The following PLEKHH2 variants were observed in gnomAD, a reference collection of about 807,000 sequenced individuals.
PLEKHH2 encodes the protein pleckstrin homology domain-containing family H member 2.
Under a neutral mutation model 187.9 loss-of-function variants are expected in PLEKHH2, and 129 were observed. The ratio of observed to expected loss-of-function variants is 0.69; its 90% CI spans 0.59 to 0.79. The LOEUF is 0.79. Among genes scored for constraint, PLEKHH2 ranks in the 30% least tolerant of loss-of-function variants. PLEKHH2 has a pLI of 0.00. For missense variants in PLEKHH2, 2,076 were observed against 1,751.2 expected (o/e 1.19, Z -3.31); for synonymous variants, 686 against 605.6 (o/e 1.13, Z -1.95).
Position 43,700,083 on chromosome 2 carries a change from TA to T in PLEKHH2, c.1130del (p.Lys377ArgfsTer10). On this transcript the variant is annotated frameshift_variant, in exon 8 of 30. Transcript: ENST00000282406. LOFTEE classifies it high-confidence loss of function. ...TTGGAAAGGGAAATTCTGAATTAAG[TA>T]AAAAGGAACAAGATAGTTCCTCGGA... ...PLGKGNSELS[K>X]KEQDSSSDEL... 1 of 1,614,064 alleles carries T rather than the reference TA, an allele frequency of 6.2e-7. No individual in the cohort carries two copies. Among genetic ancestry groups the T allele is most frequent in the Non-Finnish European group, 8.5e-7 (1 of 1,179,992 alleles).
intron 6 of PLEKHH2, among the ~76,000 whole-genome samples, chr2:43,695,441 C>G (rs1157630908): frequency 6.6e-6 from 1 of 152,160 alleles, no homozygotes; most frequent in Non-Finnish European, 1.5e-5. Context: ...TGATGTCTAC[C>G]AAAGTGGTCA....
chr2:43,676,399 C>G, intron 2 of PLEKHH2: 1 of 1,228,252 alleles, frequency 8.1e-7, no homozygotes, highest in Non-Finnish European at 1.1e-6. Flanking sequence ...CCTTCCGGAG[C>G]TGGCGGCTGC....
intron 1 of PLEKHH2, among the ~76,000 whole-genome samples, chr2:43,640,255 C>A (rs1703311258): frequency 6.6e-6 from 1 of 150,750 alleles, no homozygotes; most frequent in Non-Finnish European, 1.5e-5. Flanking sequence ...GTCACCCAGG[C>A]TGGAGTGCAG....
intron 3 of PLEKHH2, among the ~76,000 whole-genome samples, chr2:43,682,276 G>A (rs1668232315): frequency 6.6e-6 from 1 of 151,980 alleles, no homozygotes; most frequent in South Asian, 2.1e-4. Flanking sequence ...TCTGTGTTTT[G>A]TTCTTTAATC....
intron 2 of PLEKHH2, among the ~76,000 whole-genome samples, chr2:43,646,590 T>A (rs1474374006): frequency 1.3e-5 from 2 of 152,266 alleles, no homozygotes; most frequent in Non-Finnish European, 2.9e-5. Context: ...ACATTTGTTC[T>A]GTTCTTTAGA....
rs77391858 is a variant in PLEKHH2, at chr2:43,752,133, C to T, written c.3654-1486C>T. Among the ~76,000 whole-genome samples, 111 of 152,188 alleles carry T rather than the reference C, an allele frequency of 7.3e-4. 1 individual carries two copies. The East Asian group carries it at 0.02, about 28-fold the overall frequency. ...TACAGTGATGAGTATGATATACTTCCTAACTTCAAGTAGGGAGAATAAGCT... is the reference window on the plus strand; with the variant it reads ...TACAGTGATGAGTATGATATACTTCTTAACTTCAAGTAGGGAGAATAAGCT... On this transcript the variant is annotated intron_variant, in intron 24 of 29. Transcript: ENST00000282406.
At chr2:43,763,990 C>T (rs756193645) in intron 28 of PLEKHH2, among the ~76,000 whole-genome samples, 1 of 152,018 alleles carries the variant, frequency 6.6e-6, no homozygotes, top group African/African-American at 2.4e-5. Context: ...TATATTTTCT[C>T]ATTTTTCTGC....
chr2:43,699,112 C>A (rs2104481843), intron 7 of PLEKHH2, among the ~76,000 whole-genome samples: 1 of 152,102 alleles, frequency 6.6e-6, no homozygotes, highest in South Asian at 2.1e-4. Flanking sequence ...AAATAGAATT[C>A]ATGCTGTTCA....
At chr2:43,690,376 T>C (rs1668734891) in intron 3 of PLEKHH2, among the ~76,000 whole-genome samples, 1 of 152,184 alleles carries the variant, frequency 6.6e-6, no homozygotes, top group Non-Finnish European at 1.5e-5. Context: ...ATTTTCCTAG[T>C]TTCCAGCCAT....
Position 43,713,760 on chromosome 2 carries a change from A to G in PLEKHH2, c.2460+1377A>G, listed in dbSNP as rs114172669. ...TTTTGAAAAATACAACAAAATATGT[A>G]TACACACATAATCACTCCTCATTCA... On this transcript the variant is annotated intron_variant, in intron 15 of 29. Coordinates refer to ENST00000282406, the MANE Select transcript of PLEKHH2 (RefSeq NM_172069.4). 2.0e-5 allele frequency among the ~76,000 whole-genome samples: 3 copies of G among 151,712 alleles called. No individual in the cohort carries two copies. In the East Asian group the frequency reaches 5.8e-4, roughly 29 times the overall value.
rs551856285 is a variant in PLEKHH2 at position 43,686,202 on chromosome 2, C to G, written c.187-6312C>G. ...CCTCTTCTTCTTCTTCTTTCTTCTT[C>G]TTCTTCTTTTTTGAGACTGAGTCTT... is the stretch of plus-strand genomic sequence containing the variant. On this transcript the variant is annotated intron_variant, in intron 3 of 29. Coordinates refer to ENST00000282406, the MANE Select transcript of PLEKHH2 (RefSeq NM_172069.4). Among the ~76,000 whole-genome samples, 10 of 151,154 alleles carry G rather than the reference C, an allele frequency of 6.6e-5. No homozygotes were observed. The South Asian group carries it at 2.1e-3, about 32-fold the overall frequency.
At chr2:43,758,113 A>G (rs1672287467) in intron 26 of PLEKHH2, among the ~76,000 whole-genome samples, 3 of 152,248 alleles carry the variant, frequency 2.0e-5, no homozygotes, top group African/African-American at 7.2e-5. Flanking sequence ...ATTTAAGATC[A>G]GCCTTTTGTC....
chr2:43,703,940 T>TTTCTTTAAA, intron 8 of PLEKHH2, 41 bp from the exon 9 acceptor site: 1 of 452,062 alleles, frequency 2.2e-6, no homozygotes, highest in Non-Finnish European at 3.6e-6. Flanking sequence ...TTTTTTTTTT[T>TTTCTTTAAA]TGCTTTAAAT....
At position 43,699,938 on chromosome 2, in the gene PLEKHH2, C is replaced by T; in HGVS notation, c.980C>T (p.Thr327Ile). ...CSRMGSEMYL[T>I]ASDDSSSIFE... ...AGGATGGGAAGTGAAATGTATCTGACAGCATCTGATGACAGCAGCTCTATA... is the reference window on the plus strand; with the variant it reads ...AGGATGGGAAGTGAAATGTATCTGATAGCATCTGATGACAGCAGCTCTATA... Residue 327 changes from threonine to isoleucine, a missense_variant, in exon 8 of 30, where the codon ACA (threonine) becomes ATA (isoleucine). Physicochemically the swap from Thr to Ile is moderately conservative, Grantham distance 89. Transcript: ENST00000282406. 6.2e-7 allele frequency: 1 copy of T among 1,614,128 alleles called. No individual in the cohort carries two copies. The highest frequency in any genetic ancestry group is 8.5e-7 in the Non-Finnish European group (1 of 1,180,024).
chr2:43,763,396 A>G (rs962755172), intron 28 of PLEKHH2, among the ~76,000 whole-genome samples: 1 of 150,990 alleles, frequency 6.6e-6, no homozygotes, highest in Admixed American at 6.6e-5. Context: ...TATTAGTTAC[A>G]TTTTATTTTA....
intron 2 of PLEKHH2, among the ~76,000 whole-genome samples, chr2:43,677,229 T>C (rs1000981254): frequency 1.3e-5 from 2 of 151,894 alleles, no homozygotes; most frequent in Non-Finnish European, 2.9e-5. Flanking sequence ...TTGATCATTC[T>C]TGGGTGTTTC....
chr2:43,746,103 C>A (rs1671769105), intron 24 of PLEKHH2, 140 bp downstream of exon 24: 2 of 507,470 alleles, frequency 3.9e-6, no homozygotes, highest in Non-Finnish European at 6.4e-6. Context: ...AACTCTGTTT[C>A]TATAGGAAAA....
intron 20 of PLEKHH2, among the ~76,000 whole-genome samples, chr2:43,739,055 C>A (rs1403509333): frequency 6.6e-6 from 1 of 152,098 alleles, no homozygotes; most frequent in African/African-American, 2.4e-5. Context: ...ACACTCCCGG[C>A]TAATTTTGCA....
chr2:43,650,839 G>A (rs1182058374), intron 2 of PLEKHH2, among the ~76,000 whole-genome samples: 1 of 151,662 alleles, frequency 6.6e-6, no homozygotes, highest in Non-Finnish European at 1.5e-5. Flanking sequence ...TAGAGACGGG[G>A]TTTCACTATG....
Sources: gnomAD v4.1 joint callset for allele counts (sites outside exome capture counted in the v4.1 genomes callset) on GRCh38, gnomAD v4.1.1 for gene constraint, MANE v1.5 for transcripts, NCBI Gene and HGNC (gene_info 2026-07-23, HGNC 2026-07-21) for gene names.